Variants in PTPRO observed in about 807,000 individuals in gnomAD.
PTPRO encodes protein tyrosine phosphatase receptor type O, also known as receptor-type tyrosine-protein phosphatase O.
A neutral mutation model predicts 145.2 loss-of-function variants in PTPRO; 62 were observed. That is an observed-to-expected ratio of 0.43 (90% CI 0.35 to 0.53). The LOEUF (loss-of-function observed/expected upper bound fraction) is 0.53. Among genes scored for constraint, PTPRO ranks in the 20% least tolerant of loss-of-function variants. The pLI is 0.01. For synonymous variants in PTPRO, 565 were observed against 514.7 expected (o/e 1.10, Z -1.32); for missense variants, 1,345 against 1,482.7 (o/e 0.91, Z 1.53).
chr12:15,456,420 C>T (rs768260177), intron 1 of PTPRO, among the ~76,000 whole-genome samples: 2 of 151,980 alleles, frequency 1.3e-5, no homozygotes. Context: ...GGGTTATTGG[C>T]CTGTAGTTTG....
At chr12:15,434,406 G>A (rs1307586698) in intron 1 of PTPRO, among the ~76,000 whole-genome samples, 2 of 152,154 alleles carry the variant, frequency 1.3e-5, no homozygotes, top group African/African-American at 4.8e-5. Flanking sequence ...TAAAGGTAAA[G>A]ACTAAGGACA....
chr12:15,422,137 T>A (rs1000941759), intron 1 of PTPRO, among the ~76,000 whole-genome samples: 2 of 152,178 alleles, frequency 1.3e-5, no homozygotes, highest in East Asian at 3.8e-4. Flanking sequence ...GGAGTAGGAT[T>A]GGATTTTGCT....
chr12:15,525,515 G>T (rs1942819493), intron 11 of PTPRO, among the ~76,000 whole-genome samples: 1 of 152,146 alleles, frequency 6.6e-6, no homozygotes, highest in Non-Finnish European at 1.5e-5. Flanking sequence ...CTGTTTTGTT[G>T]TTCCATCTGC....
intron 6 of PTPRO, among the ~76,000 whole-genome samples, chr12:15,505,592 AAGG>A (rs2136477428): frequency 6.6e-6 from 1 of 152,262 alleles, no homozygotes; most frequent in South Asian, 2.1e-4. Context: ...ATGACTTTTT[AAGG>A]AGATTCTGTT....
rs890935310 is a variant in PTPRO, at chr12:15,557,378, G to A, written c.2559-77G>A. 1.1e-5 allele frequency: 14 copies of A among 1,280,894 alleles called. No individual in the cohort carries two copies. The Admixed American group carries it at 2.2e-4, about 20-fold the overall frequency. The allele number at this position is 1,280,894 out of a possible 1,614,324, so 79.3% of individuals were successfully genotyped here. Reference sequence around the variant, plus strand: ...AATGCTGTGATGATAAGCTGGTAAAGACTCTCTTTACTTTTAGGTCAACGT... The same window carrying A: ...AATGCTGTGATGATAAGCTGGTAAAAACTCTCTTTACTTTTAGGTCAACGT... On this transcript the variant is annotated intron_variant, in intron 15 of 26. Coordinates refer to ENST00000281171, the MANE Select transcript of PTPRO (RefSeq NM_030667.3).
Position 15,504,053 on chromosome 12 carries a change from A to G in PTPRO, c.1251A>G (p.Ser417=). 6.2e-7 allele frequency: 1 copy of G among 1,612,728 alleles called. No homozygotes were observed. Among genetic ancestry groups the G allele is most frequent in the Non-Finnish European group, 8.5e-7 (1 of 1,178,902 alleles). The change falls in exon 6 of 27, where the codon TCA becomes TCG. Residue 417 remains serine (S), a synonymous_variant. Transcript: ENST00000281171. ...CTCGAAAAAGTCAGTCAGCAAAATC[A>G]CTCAGCTTTTATATCAGTAAGTAAC... is the stretch of plus-strand genomic sequence containing the variant. ...CETRKSQSAK[S]LSFYISPSGE...
chr12:15,560,508 T>C (rs1040247748), intron 17 of PTPRO, among the ~76,000 whole-genome samples: 1 of 152,122 alleles, frequency 6.6e-6, no homozygotes, highest in African/African-American at 2.4e-5. Flanking sequence ...TCCCATTTAG[T>C]ACTAGTTATT....
rs1346695513 is a variant in PTPRO, at chr12:15,586,854, G to A, written c.3256-43G>A. The A allele has an allele frequency of 1.9e-6, 3 of 1,612,546 alleles. No homozygotes were observed. In the African/African-American group the frequency reaches 4.0e-5, roughly 22 times the overall value. ...CAGAGTCCTGGGTCATCCTAACAGT[G>A]AACTGAAAAATTAATGCTTGTTTTT... On this transcript the variant is annotated intron_variant, in intron 23 of 26. Transcript: ENST00000281171.
chr12:15,404,135 G>A (rs1377474407), intron 1 of PTPRO, among the ~76,000 whole-genome samples: 2 of 138,302 alleles, frequency 1.4e-5, no homozygotes, highest in Non-Finnish European at 3.0e-5. Flanking sequence ...CTTGCAGTGA[G>A]CCGAGATCTC....
chr12:15,570,260 G>A (rs1292674188), intron 19 of PTPRO, among the ~76,000 whole-genome samples: 3 of 151,520 alleles, frequency 2.0e-5, no homozygotes, highest in Non-Finnish European at 2.9e-5. Context: ...TCTATAGCAT[G>A]GCTTGAGTGG....
intron 1 of PTPRO, among the ~76,000 whole-genome samples, chr12:15,350,558 A>G (rs1937770869): frequency 6.6e-6 from 1 of 152,218 alleles, no homozygotes; most frequent in African/African-American, 2.4e-5. Context: ...TGAATTTGCT[A>G]TTGGAAAATG....
intron 1 of PTPRO, among the ~76,000 whole-genome samples, chr12:15,441,328 C>G (rs984992890): frequency 6.9e-6 from 1 of 145,428 alleles, no homozygotes; most frequent in African/African-American, 2.5e-5. Flanking sequence ...ACACAACATA[C>G]CAAAATCTCT....
intron 1 of PTPRO, among the ~76,000 whole-genome samples, chr12:15,409,474 A>ATTGT (rs1336839530): frequency 2.0e-5 from 3 of 152,152 alleles, no homozygotes; most frequent in African/African-American, 7.2e-5. Flanking sequence ...AACCCACAGG[A>ATTGT]CGTATTCTTC....
chr12:15,497,074 A>G (rs1039390202), intron 2 of PTPRO, among the ~76,000 whole-genome samples, 171 bp from the exon 3 acceptor site: 2 of 152,238 alleles, frequency 1.3e-5, no homozygotes, highest in African/African-American at 4.8e-5. Flanking sequence ...TACTTTATTA[A>G]TTACTGCTAA....
Position 15,586,961 on chromosome 12 carries a change from C to G in PTPRO, c.3320C>G (p.Thr1107Arg). Residue 1107 changes from threonine (T) to arginine (R), a missense_variant, in exon 24 of 27, where the codon ACA (threonine) becomes AGA (arginine). Physicochemically the swap from Thr to Arg is moderately conservative, Grantham distance 71 (BLOSUM62 -1). Transcript: ENST00000281171. ...YTAWPDHGVP[T>R]ANAAESILQF... ...GCATGGCCTGATCATGGTGTGCCCACAGCAAATGCTGCAGAAAGTATCCTG... is the reference window on the plus strand; with the variant it reads ...GCATGGCCTGATCATGGTGTGCCCAGAGCAAATGCTGCAGAAAGTATCCTG... The G allele has an allele frequency of 1.9e-6, 3 of 1,614,126 alleles. No homozygotes were observed. Among genetic ancestry groups the G allele is most frequent in the Non-Finnish European group, 2.5e-6 (3 of 1,180,000 alleles).
chr12:15,549,403 A>T (rs1943393701), intron 14 of PTPRO, among the ~76,000 whole-genome samples, 177 bp downstream of exon 14: 2 of 152,042 alleles, frequency 1.3e-5, no homozygotes. Flanking sequence ...GGTGCCTCTG[A>T]GCTTTTCTTT....
intron 19 of PTPRO, among the ~76,000 whole-genome samples, chr12:15,570,525 C>T (rs939736500): frequency 7.9e-5 from 12 of 152,180 alleles, no homozygotes; most frequent in Non-Finnish European, 1.2e-4. Context: ...ATACAAAGAC[C>T]GCTAACTACC....
chr12:15,448,190 C>T (rs1436906916), intron 1 of PTPRO, among the ~76,000 whole-genome samples: 1 of 151,924 alleles, frequency 6.6e-6, no homozygotes, highest in Non-Finnish European at 1.5e-5. Flanking sequence ...AATTCTCCTA[C>T]TTACCACATT....
At chr12:15,501,518 C>G in intron 4 of PTPRO, 102 bp from the exon 5 acceptor site, 1 of 1,107,832 alleles carries the variant, frequency 9.0e-7, no homozygotes, top group Non-Finnish European at 1.3e-6. Flanking sequence ...AATTAAATTC[C>G]ACTTTTAAAA....
Sources: gnomAD v4.1 joint callset for allele counts (sites outside exome capture counted in the v4.1 genomes callset) on GRCh38, gnomAD v4.1.1 for gene constraint, MANE v1.5 for transcripts, NCBI Gene and HGNC (gene_info 2026-07-23, HGNC 2026-07-21) for gene names.